KAT14: variants seen among roughly 807,000 people sequenced by gnomAD.
KAT14 encodes the protein lysine acetyltransferase 14, also known as cysteine-rich protein 2-binding protein.
In KAT14, 66 loss-of-function variants were observed where a neutral mutation model predicts 78.4. The observed-to-expected ratio is 0.84, with a 90% CI of 0.69 to 1.03. KAT14 has a LOEUF of 1.03. Ranked by LOEUF, KAT14 falls within the 50% of genes least tolerant of loss-of-function variation. The pLI, the probability that KAT14 is intolerant of heterozygous loss-of-function variation, is 0.00. For missense variants in KAT14, 870 were observed against 972.5 expected (o/e 0.89, Z 1.40); for synonymous variants, 344 against 359.4 (o/e 0.96, Z 0.48).
In KAT14 at chr20:18,187,049, A is replaced by G. The variant is rs963303878; in HGVS notation, c.2173-237A>G. On this transcript the variant is annotated intron_variant, in intron 10 of 10. Transcript: ENST00000688188. ...TATCCCCATTGACCCTTTGCTTCAA[A>G]GAAAAATAAAAAACACCCAGAATAC... 1.4e-4 allele frequency among the ~76,000 whole-genome samples: 22 copies of G among 152,240 alleles called. 1 individual carries two copies. The highest frequency in any genetic ancestry group is 4.4e-5 in the Non-Finnish European group (3 of 68,044).
At position 18,151,793 on chromosome 20, in the gene KAT14, C is replaced by G. The variant is rs113847660; in HGVS notation, c.500+851C>G. Among the ~76,000 whole-genome samples the G allele has an allele frequency of 3.3e-3, 505 of 151,566 alleles. 4 individuals are homozygous for G. The highest frequency in any genetic ancestry group is 0.012 in the African/African-American group (488 of 41,366). On this transcript the variant is annotated intron_variant, in intron 4 of 10. Coordinates refer to ENST00000688188, the MANE Select transcript of KAT14 (RefSeq NM_001392073.1). ...CCGAGGTGGGTGGATCACCTGAGGT[C>G]AGGAGTTCAAGACCAGCCTCGCCAA...
chr20:18,167,642 A>C (rs796312244), intron 7 of KAT14, among the ~76,000 whole-genome samples: 2 of 151,888 alleles, frequency 1.3e-5, no homozygotes. Flanking sequence ...TTTTCTCATT[A>C]TTTCCTCTTT....
At chr20:18,138,628 T>G (rs893085732) in intron 1 of KAT14, 1 of 216,310 alleles carries the variant, frequency 4.6e-6, no homozygotes. Flanking sequence ...TGTTTGCACT[T>G]CTCGTTTAAA....
At chr20:18,179,614 C>G (rs373926087) in intron 7 of KAT14, among the ~76,000 whole-genome samples, 2 of 152,246 alleles carry the variant, frequency 1.3e-5, no homozygotes, top group South Asian at 2.1e-4. Context: ...CGGCAAGTCC[C>G]CAGGCTGCCT....
intron 7 of KAT14, among the ~76,000 whole-genome samples, chr20:18,166,400 T>G (rs1258968151): frequency 1.3e-5 from 2 of 152,088 alleles, no homozygotes; most frequent in African/African-American, 4.8e-5. Flanking sequence ...CATTTCCAAA[T>G]AAGGAAGGGG....
Position 18,183,179 on chromosome 20 carries a change from A to G in KAT14, c.1862A>G (p.His621Arg), listed in dbSNP as rs1383523550. Residue 621 changes from histidine to arginine, a missense_variant, in exon 9 of 11, where the codon CAC becomes CGC. Coordinates refer to ENST00000688188, the MANE Select transcript of KAT14 (RefSeq NM_001392073.1). ...KLQLLSQIRS[H>R]LHRSDPHWTP... The stretch of plus-strand genomic sequence containing the variant: ...CAGCTCCTGTCACAGATTCGTTCCC[A>G]CCTGCACAGGAGCGACCCTCACTGG... 1.9e-6 allele frequency: 3 copies of G among 1,613,922 alleles called. No individual in the cohort carries two copies. In the South Asian group the frequency reaches 3.3e-5, roughly 18 times the overall value.
At chr20:18,153,071 C>T (rs1018942956) in intron 4 of KAT14, among the ~76,000 whole-genome samples, 1 of 152,162 alleles carries the variant, frequency 6.6e-6, no homozygotes, top group Non-Finnish European at 1.5e-5. Flanking sequence ...ATGAATCTTA[C>T]ATAATGAGGT....
chr20:18,152,947 G>A (rs1289870881), intron 4 of KAT14, among the ~76,000 whole-genome samples: 1 of 152,124 alleles, frequency 6.6e-6, no homozygotes, highest in Non-Finnish European at 1.5e-5. Flanking sequence ...ATGTCCACGT[G>A]GATCTATCAA....
intron 10 of KAT14, among the ~76,000 whole-genome samples, chr20:18,185,609 A>G (rs998634054): frequency 3.3e-5 from 5 of 152,166 alleles, no homozygotes; most frequent in African/African-American, 7.2e-5. Context: ...ATCCTTTAAT[A>G]TATTTGTATC....
At position 18,181,968 on chromosome 20, in the gene KAT14, G is replaced by A. The variant is rs527974431; in HGVS notation, c.1805+122G>A. 117 of 1,438,984 alleles carry A rather than the reference G, an allele frequency of 8.1e-5. No homozygotes were observed. The African/African-American group carries it at 1.5e-3, about 19-fold the overall frequency. The allele number at this position is 1,438,984 out of a possible 1,614,324, so 89.1% of individuals were successfully genotyped here. A position where few individuals can be genotyped will look rare whatever the true frequency, so the allele number is the denominator to read the frequency against. On this transcript the variant is annotated intron_variant, in intron 8 of 10. Coordinates refer to ENST00000688188, the MANE Select transcript of KAT14 (RefSeq NM_001392073.1). ...ACAAACTGTGAACAACATTGGCAAG[G>A]ACTGAGTTCTGTGCTTCACCTCCAG... is the stretch of plus-strand genomic sequence containing the variant.
At chr20:18,171,085 G>A (rs1207585760) in intron 7 of KAT14, among the ~76,000 whole-genome samples, 1 of 152,146 alleles carries the variant, frequency 6.6e-6, no homozygotes, top group Non-Finnish European at 1.5e-5. Flanking sequence ...AAACCTTCTG[G>A]AAAAGGAGTC....
chr20:18,181,178 AATT>A (rs2039233344), intron 7 of KAT14, among the ~76,000 whole-genome samples: 1 of 152,198 alleles, frequency 6.6e-6, no homozygotes, highest in Admixed American at 6.5e-5. Flanking sequence ...AGAATTTTAA[AATT>A]ATTATTTTTA....
At chr20:18,164,442 A>AC (rs1230721717) in intron 7 of KAT14, among the ~76,000 whole-genome samples, 1 of 151,754 alleles carries the variant, frequency 6.6e-6, no homozygotes, top group Non-Finnish European at 1.5e-5. Context: ...CCATAGTCAT[A>AC]CCCCCCAGGC....
chr20:18,187,588 C>G lies in KAT14; in HGVS notation c.*129C>G. The G allele has an allele frequency of 1.4e-6, 2 of 1,453,352 alleles. No homozygotes were observed. The highest frequency in any genetic ancestry group is 1.8e-6 in the Non-Finnish European group (2 of 1,089,188). The allele number at this position is 1,453,352 out of a possible 1,614,324, so 90.0% of individuals were successfully genotyped here. A position where few individuals can be genotyped will look rare whatever the true frequency, so the allele number is the denominator to read the frequency against. ...TTACATGGTCCTTCAAACTCCCAAC[C>G]AAAGTGAGAAAAGCGGCATGCAGTG... is the stretch of plus-strand genomic sequence containing the variant. On this transcript the variant is annotated 3_prime_UTR_variant, in exon 11 of 11. Coordinates refer to ENST00000688188, the MANE Select transcript of KAT14 (RefSeq NM_001392073.1).
chr20:18,178,548 A>C (rs898635567), intron 7 of KAT14, among the ~76,000 whole-genome samples: 1 of 152,194 alleles, frequency 6.6e-6, no homozygotes, highest in African/African-American at 2.4e-5. Flanking sequence ...CAAGAGAAAA[A>C]TGAGAAAGAT....
intron 4 of KAT14, 125 bp from the exon 5 acceptor site, chr20:18,158,959 T>C: frequency 8.3e-7 from 1 of 1,200,692 alleles, no homozygotes; most frequent in Non-Finnish European, 1.1e-6. Context: ...CCTCTCGTGC[T>C]CTGCTCCTTC....
Position 18,162,221 on chromosome 20 carries a change from C to T in KAT14, c.1081C>T (p.Pro361Ser). 6.2e-7 allele frequency: 1 copy of T among 1,614,010 alleles called. No individual in the cohort carries two copies. Among genetic ancestry groups the T allele is most frequent in the Non-Finnish European group, 8.5e-7 (1 of 1,180,014 alleles). The change falls in exon 6 of 11, where the codon CCA (proline) becomes TCA (serine). Residue 361 changes from proline to serine, a missense_variant. Transcript: ENST00000688188. ...EADLIPDVMP[P>S]QALFHDDDEM... Reference sequence around the variant, plus strand: ...AGATCTGATTCCAGATGTGATGCCCCCACAAGCCTTGTTTCATGGTAAGAG... The same window carrying T: ...AGATCTGATTCCAGATGTGATGCCCTCACAAGCCTTGTTTCATGGTAAGAG...
At chr20:18,157,980 C>G (rs180727234) in intron 4 of KAT14, among the ~76,000 whole-genome samples, 1,595 of 152,230 alleles carry the variant, frequency 0.01, 13 homozygotes, top group Non-Finnish European at 0.014. Flanking sequence ...TCTTGTTGCC[C>G]GGGCTGGAGT....
chr20:18,141,051 T>TTTTTG lies in KAT14; in HGVS notation c.-453-1156_-453-1155insTTTGT, dbSNP rs58888387. On this transcript the variant is annotated intron_variant, in intron 1 of 10. Coordinates refer to ENST00000688188, the MANE Select transcript of KAT14 (RefSeq NM_001392073.1). ...TTTTTTTTTTTTTTTTTTTTTATTT[T>TTTTTG]TATTTTTGCTAGAGATGGGATTTTG... 1.5e-3 allele frequency among the ~76,000 whole-genome samples: 167 copies of TTTTTG among 109,664 alleles called. 3 individuals carry two copies. The highest frequency in any genetic ancestry group is 5.3e-3 in the Middle Eastern group (1 of 190). The allele number at this position is 109,664 out of a possible 152,430, so 71.9% of individuals were successfully genotyped here. A position where few individuals can be genotyped will look rare whatever the true frequency, so the allele number is the denominator to read the frequency against.
Sources: gnomAD v4.1 joint callset for allele counts (sites outside exome capture counted in the v4.1 genomes callset) on GRCh38, gnomAD v4.1.1 for gene constraint, MANE v1.5 for transcripts, NCBI Gene and HGNC (gene_info 2026-07-23, HGNC 2026-07-21) for gene names.